Variants in RGPD4 observed in about 807,000 individuals in gnomAD.
RGPD4 encodes the protein RANBP2 like and GRIP domain containing 4, also known as ranBP2-like and GRIP domain-containing protein 4.
Under a neutral mutation model 141.1 loss-of-function variants are expected in RGPD4, and 84 were observed. That is an observed-to-expected ratio of 0.60 (90% CI 0.50 to 0.71). The LOEUF (loss-of-function observed/expected upper bound fraction) is 0.71, where lower values mean the gene tolerates loss of function less well. Ranked by LOEUF, RGPD4 falls within the 30% of genes least tolerant of loss-of-function variation. The probability of loss-of-function intolerance (pLI) is 0.00; values close to 1 mark genes in which losing one functional copy is unlikely to be tolerated. For synonymous variants in RGPD4, 298 were observed against 566.8 expected, an observed-to-expected ratio of 0.53 and a Z score of 6.74; for missense variants, 918 against 1,622.4, an observed-to-expected ratio of 0.57 and a Z score of 7.46.
At position 107,873,489 on chromosome 2, in the gene RGPD4, G is replaced by T. The variant is rs1293766479; in HGVS notation, c.4924+561G>T. On this transcript the variant is annotated intron_variant, in intron 20 of 22. Transcript: ENST00000408999. Reference sequence around the variant, plus strand: ...CTCAGGAGGTTGAGGCAGGAGGATCGCTTGAGCACAGGAGATGGAGGTAGC... The same window carrying T: ...CTCAGGAGGTTGAGGCAGGAGGATCTCTTGAGCACAGGAGATGGAGGTAGC... Among the ~76,000 whole-genome samples, 2 of 145,836 alleles carry T rather than the reference G, an allele frequency of 1.4e-5. 1 individual carries two copies. Among genetic ancestry groups the T allele is most frequent in the African/African-American group, 5.2e-5 (2 of 38,308 alleles).
intron 21 of RGPD4, among the ~76,000 whole-genome samples, chr2:107,881,919 C>A (rs928165968): frequency 1.3e-5 from 2 of 151,870 alleles, no homozygotes; most frequent in African/African-American, 4.8e-5. Context: ...TCACTGTGGA[C>A]GTCTTAACTG....
chr2:107,881,354 G>A (rs1005419882), intron 21 of RGPD4, among the ~76,000 whole-genome samples: 2 of 150,572 alleles, frequency 1.3e-5, no homozygotes, highest in African/African-American at 4.9e-5. Context: ...GTCTCGCTCT[G>A]TCACTAGGTT....
intron 22 of RGPD4, among the ~76,000 whole-genome samples, chr2:107,887,206 T>G (rs1466546373): frequency 2.0e-5 from 3 of 152,080 alleles, no homozygotes; most frequent in African/African-American, 7.3e-5. Flanking sequence ...GTCGAAATCC[T>G]GGTCACGCCA....
intron 22 of RGPD4, among the ~76,000 whole-genome samples, chr2:107,886,103 C>A (rs1432554030): frequency 2.9e-4 from 41 of 140,874 alleles, no homozygotes; most frequent in Admixed American, 4.9e-4. Flanking sequence ...AGAAATTACA[C>A]AGAATTCAGC....
At chr2:107,830,000 A>C (rs1681420914) in intron 1 of RGPD4, among the ~76,000 whole-genome samples, 1 of 151,998 alleles carries the variant, frequency 6.6e-6, no homozygotes, top group East Asian at 1.9e-4. Flanking sequence ...CAAGGTAGGC[A>C]TCTCAGCGCG....
At chr2:107,827,978 G>C (rs1211487116) in intron 1 of RGPD4, among the ~76,000 whole-genome samples, 2 of 37,858 alleles carry the variant, frequency 5.3e-5, no homozygotes, top group East Asian at 7.0e-4. Flanking sequence ...GCTCCCTGAC[G>C]CGCTCTGTTG....
chr2:107,862,622 GT>G, intron 15 of RGPD4, 59 bp from the exon 16 acceptor site: 1 of 849,718 alleles, frequency 1.2e-6, no homozygotes, highest in South Asian at 1.7e-5. Context: ...TCATTTTAGA[GT>G]TTTTACTTTT....
In RGPD4 at chr2:107,826,979, G is replaced by A; in HGVS notation, c.-35G>A. The A allele has an allele frequency of 1.3e-6, 2 of 1,585,098 alleles. No homozygotes were observed. The highest frequency in any genetic ancestry group is 1.2e-5 in the South Asian group (1 of 86,586). ...GCGACTGCTGCGGGGCTGAGCGCTG[G>A]TTTCACGCGTCTCGGGAGCCAGGTT... On this transcript the variant is annotated 5_prime_UTR_variant, in exon 1 of 23. Coordinates refer to ENST00000408999, the MANE Select transcript of RGPD4 (RefSeq NM_182588.3).
intron 7 of RGPD4, among the ~76,000 whole-genome samples, chr2:107,853,465 G>T (rs75312558): frequency 3.7e-4 from 54 of 147,270 alleles, no homozygotes; most frequent in East Asian, 2.2e-3. Flanking sequence ...GTTATTGCAT[G>T]AGGATCTCTT....
chr2:107,846,434 A>C (rs2104425971), intron 6 of RGPD4, among the ~76,000 whole-genome samples: 1 of 152,022 alleles, frequency 6.6e-6, no homozygotes, highest in Admixed American at 6.5e-5. Flanking sequence ...GTAATCCATT[A>C]AAAATGTAAT....
Position 107,861,653 on chromosome 2 carries a change from A to T in RGPD4, c.2118A>T (p.Glu706Asp). The stretch of plus-strand genomic sequence containing the variant: ...ATGCCCTTTCTCCTGAAGAACAAGA[A>T]GAATGCAAAAATTATCTGAGAAAGA... ...ANDALSPEEQEECKNYLRKTR... is the reference protein window; with the variant it reads ...ANDALSPEEQDECKNYLRKTR... The change falls in exon 15 of 23, where the codon GAA becomes GAT. Residue 706 changes from glutamate to aspartate, a missense_variant. By Grantham distance (45) the Glu-to-Asp change is conservative (BLOSUM62 2). Coordinates refer to ENST00000408999, the MANE Select transcript of RGPD4 (RefSeq NM_182588.3). 6.2e-7 allele frequency: 1 copy of T among 1,608,390 alleles called. No individual in the cohort carries two copies. Among genetic ancestry groups the T allele is most frequent in the East Asian group, 2.2e-5 (1 of 44,660 alleles).
intron 1 of RGPD4, among the ~76,000 whole-genome samples, chr2:107,828,215 CGGG>C (rs1681304132): frequency 3.8e-5 from 1 of 26,632 alleles, no homozygotes; most frequent in Non-Finnish European, 7.8e-5. Flanking sequence ...TCGACCTGGC[CGGG>C]CGGCGGCGGC....
Position 107,871,349 on chromosome 2 carries a change from G to A in RGPD4, c.3345G>A (p.Thr1115=), listed in dbSNP as rs1170361941. ...VLKVCANHWI[T]TTMNLKPLSG... is the part of the protein sequence containing the mutation. Reference sequence around the variant, plus strand: ...AAGTGTGTGCTAATCATTGGATAACGACTACAATGAACCTGAAGCCCCTGT... The same window carrying A: ...AAGTGTGTGCTAATCATTGGATAACAACTACAATGAACCTGAAGCCCCTGT... The change falls in exon 20 of 23, where the codon ACG becomes ACA. Residue 1115 remains threonine, a synonymous_variant. Transcript: ENST00000408999. 2 of 1,586,300 alleles carry A rather than the reference G, an allele frequency of 1.3e-6. No homozygotes were observed. Among genetic ancestry groups the A allele is most frequent in the Admixed American group, 1.7e-5 (1 of 57,618 alleles).
At chr2:107,884,902 C>A (rs1675467643) in intron 22 of RGPD4, among the ~76,000 whole-genome samples, 1 of 151,920 alleles carries the variant, frequency 6.6e-6, no homozygotes, top group Non-Finnish European at 1.5e-5. Flanking sequence ...AACCCCTGGT[C>A]TAGAGGCCTG....
chr2:107,846,488 C>T (rs540686552), intron 6 of RGPD4, among the ~76,000 whole-genome samples: 24 of 151,178 alleles, frequency 1.6e-4, no homozygotes, highest in Admixed American at 7.2e-4. Context: ...TTTTTTGAGA[C>T]GGAGTTTTGC....
chr2:107,867,231 T>C (rs963065632), intron 18 of RGPD4, among the ~76,000 whole-genome samples: 4 of 151,620 alleles, frequency 2.6e-5, no homozygotes, highest in Non-Finnish European at 5.9e-5. Context: ...GTTCCTTTTA[T>C]GTACGACAGA....
Position 107,891,023 on chromosome 2 carries a change from C to T in RGPD4, c.*292C>T, listed in dbSNP as rs2104526717. On this transcript the variant is annotated 3_prime_UTR_variant, in exon 23 of 23. Coordinates refer to ENST00000408999, the MANE Select transcript of RGPD4 (RefSeq NM_182588.3). ...TAACTCATGTGATCTCCCATGCATG[C>T]TGCCAGAATAAAACCACCAGGAATG... Among the ~76,000 whole-genome samples the T allele has an allele frequency of 6.7e-6, 1 of 150,076 alleles. No homozygotes were observed. Among genetic ancestry groups the T allele is most frequent in the East Asian group, 1.9e-4 (1 of 5,150 alleles).
In RGPD4 at chr2:107,858,599, C is replaced by T. The variant is rs1452175573; in HGVS notation, c.1277-515C>T. ...GACTATAGGCACGTGACACCGTGCT[C>T]GGCTAATTTTTTGTATTTTTAGTAG... is the stretch of plus-strand genomic sequence containing the variant. On this transcript the variant is annotated intron_variant, in intron 9 of 22. Coordinates refer to ENST00000408999, the MANE Select transcript of RGPD4 (RefSeq NM_182588.3). Among the ~76,000 whole-genome samples, 5 of 152,172 alleles carry T rather than the reference C, an allele frequency of 3.3e-5. No homozygotes were observed. In the South Asian group the frequency reaches 8.3e-4, roughly 25 times the overall value.
intron 12 of RGPD4, 77 bp from the exon 13 acceptor site, chr2:107,860,689 C>T (rs922025559): frequency 7.4e-7 from 1 of 1,345,120 alleles, no homozygotes. Flanking sequence ...TTAGCCAGTT[C>T]TTACAACTTG....
Sources: allele counts gnomAD v4.1 joint callset (sites outside exome capture counted in the v4.1 genomes callset), GRCh38; gene constraint gnomAD v4.1.1; transcripts MANE v1.5; gene names NCBI Gene and HGNC (gene_info 2026-07-23, HGNC 2026-07-21).